The following CPN1 variants were observed in gnomAD, a reference collection of about 807,000 sequenced individuals.
CPN1 encodes carboxypeptidase N catalytic chain.
A neutral mutation model predicts 46.4 loss-of-function variants in CPN1; 37 were observed. The ratio of observed to expected loss-of-function variants is 0.80; its 90% CI spans 0.61 to 1.05. The LOEUF is 1.05. Among genes scored for constraint, CPN1 ranks in the 50% least tolerant of loss-of-function variants. CPN1 has a pLI of 0.00. For synonymous variants in CPN1, 224 were observed against 235.4 expected (o/e 0.95, Z 0.44); for missense variants, 563 against 602.6 (o/e 0.93, Z 0.69).
intron 1 of CPN1, among the ~76,000 whole-genome samples, chr10:100,081,031 C>A (rs1169192692): frequency 6.6e-6 from 1 of 152,178 alleles, no homozygotes. Context: ...ACTAGAAGGG[C>A]TCATTGTTTT....
intron 2 of CPN1, among the ~76,000 whole-genome samples, chr10:100,074,246 C>T (rs1038167678): frequency 5.3e-5 from 8 of 152,192 alleles, no homozygotes; most frequent in East Asian, 1.9e-4. Flanking sequence ...TGTGTAGCCA[C>T]GCAGACAGCT....
At chr10:100,067,126 T>G (rs562076374) in intron 3 of CPN1, among the ~76,000 whole-genome samples, 31 of 152,332 alleles carry the variant, frequency 2.0e-4, no homozygotes, top group South Asian at 1.7e-3. Flanking sequence ...TTTTTGGTTT[T>G]GGTTTTGGTT....
At chr10:100,050,080 C>T (rs1397826589) in intron 7 of CPN1, among the ~76,000 whole-genome samples, 1 of 152,130 alleles carries the variant, frequency 6.6e-6, no homozygotes, top group African/African-American at 2.4e-5. Flanking sequence ...AGGCCAGGTG[C>T]GGTGGCTCAT....
chr10:100,057,303 T>A, intron 5 of CPN1, 151 bp from the exon 6 acceptor site: 3 of 866,336 alleles, frequency 3.5e-6, no homozygotes, highest in Non-Finnish European at 3.5e-6. Context: ...ACATAATGTG[T>A]ACATATTCAT....
chr10:100,059,784 T>C (rs2041406694), intron 5 of CPN1, among the ~76,000 whole-genome samples: 1 of 152,170 alleles, frequency 6.6e-6, no homozygotes, highest in Non-Finnish European at 1.5e-5. Flanking sequence ...AGGAGATACT[T>C]GCACATCAGG....
chr10:100,073,837 A>G (rs2041499505), intron 2 of CPN1, among the ~76,000 whole-genome samples: 1 of 151,832 alleles, frequency 6.6e-6, no homozygotes, highest in Non-Finnish European at 1.5e-5. Flanking sequence ...CTGGTCTTGA[A>G]CTTCTGACCT....
chr10:100,064,343 T>C (rs1309487619), intron 4 of CPN1, among the ~76,000 whole-genome samples: 1 of 149,418 alleles, frequency 6.7e-6, no homozygotes, highest in African/African-American at 2.4e-5. Flanking sequence ...TTAATGTTTA[T>C]TTAAATTATA....
At chr10:100,050,262 G>C (rs995201334) in intron 7 of CPN1, among the ~76,000 whole-genome samples, 14 of 152,148 alleles carry the variant, frequency 9.2e-5, no homozygotes, top group African/African-American at 3.4e-4. Context: ...GCTGAGGCAG[G>C]GTAATTGCTG....
At chr10:100,061,838 G>A (rs1340009503) in intron 5 of CPN1, among the ~76,000 whole-genome samples, 2 of 152,148 alleles carry the variant, frequency 1.3e-5, no homozygotes, top group African/African-American at 4.8e-5. Context: ...AATTACGGAT[G>A]TATTTATTTA....
At position 100,078,178 on chromosome 10, in the gene CPN1, G is replaced by T. The variant is rs118045466; in HGVS notation, c.224-2071C>A. Among the ~76,000 whole-genome samples, 56 of 152,212 alleles carry T rather than the reference G, an allele frequency of 3.7e-4. No homozygotes were observed. In the East Asian group the frequency reaches 0.011, roughly 29 times the overall value. On this transcript the variant is annotated intron_variant, in intron 1 of 8. Transcript: ENST00000370418. ...TCCTCCCGCCTCAGCCTCCTGAGGA[G>T]CTGGGACCACAAGTGCACACTACCA...
At chr10:100,070,493 CCAAA>C (rs1430295478) in intron 2 of CPN1, among the ~76,000 whole-genome samples, 3 of 152,042 alleles carry the variant, frequency 2.0e-5, no homozygotes, top group Non-Finnish European at 4.4e-5. Context: ...AAAAAACAAA[CCAAA>C]CAAAGTGCTG....
chr10:100,071,946 G>C (rs2041488289), intron 2 of CPN1, among the ~76,000 whole-genome samples: 1 of 152,146 alleles, frequency 6.6e-6, no homozygotes, highest in Non-Finnish European at 1.5e-5. Context: ...TTCCAAATAA[G>C]ATCATAGTCA....
chr10:100,075,976 G>A lies in CPN1; in HGVS notation c.355C>T (p.Gln119Ter), dbSNP rs764408494. 5 of 1,614,182 alleles carry A rather than the reference G, an allele frequency of 3.1e-6. No homozygotes were observed. In the Admixed American group the frequency reaches 6.7e-5, roughly 22 times the overall value. ...NRNQRIVQLI[Q>*]DTRIHILPSM... is the part of the protein sequence containing the mutation. ...GGCAGGATGTGAATGCGCGTGTCCT[G>A]GATGAGCTGGACGATGCGCTGGTTC... The change falls in exon 2 of 9, where the codon CAG becomes TAG. Residue 119 changes from glutamine (Q) to a stop codon, truncating the protein, a stop_gained. Coordinates refer to ENST00000370418, the MANE Select transcript of CPN1 (RefSeq NM_001308.3). LOFTEE classifies it high-confidence loss of function.
intron 3 of CPN1, among the ~76,000 whole-genome samples, chr10:100,068,125 C>T (rs1589477121): frequency 2.8e-5 from 4 of 141,614 alleles, no homozygotes; most frequent in Middle Eastern, 3.9e-3. Context: ...GCACTCCAGC[C>T]TGGAGGGTAA....
intron 6 of CPN1, 96 bp downstream of exon 6, chr10:100,056,915 CAG>C: frequency 3.4e-6 from 5 of 1,486,612 alleles, no homozygotes; most frequent in Admixed American, 1.7e-5. Context: ...TGGACTGAGT[CAG>C]AGCAAAAGTC....
intron 7 of CPN1, among the ~76,000 whole-genome samples, chr10:100,050,558 A>G (rs1015523714): frequency 6.6e-6 from 1 of 152,164 alleles, no homozygotes; most frequent in Non-Finnish European, 1.5e-5. Flanking sequence ...CGGTGGTGTT[A>G]TATGGGTGTA....
intron 5 of CPN1, among the ~76,000 whole-genome samples, chr10:100,058,581 T>C (rs1296609689): frequency 6.6e-6 from 1 of 152,154 alleles, no homozygotes; most frequent in Non-Finnish European, 1.5e-5. Flanking sequence ...TTAAAAATTA[T>C]CCACTTAAAA....
chr10:100,059,592 C>CAAA (rs71013408), intron 5 of CPN1, among the ~76,000 whole-genome samples: 14,855 of 114,794 alleles, frequency 0.13, 1,072 homozygotes, highest in African/African-American at 0.21. Flanking sequence ...TGGCTACTAT[C>CAAA]AAAAAAAAAA....
chr10:100,060,075 C>T (rs1296272487), intron 5 of CPN1, among the ~76,000 whole-genome samples: 3 of 151,984 alleles, frequency 2.0e-5, no homozygotes, highest in African/African-American at 7.3e-5. Context: ...ATGGTGGTTG[C>T]CAGGGGCTGG....
Sources: gnomAD v4.1 joint callset for allele counts (sites outside exome capture counted in the v4.1 genomes callset) on GRCh38, gnomAD v4.1.1 for gene constraint, MANE v1.5 for transcripts, NCBI Gene and HGNC (gene_info 2026-07-23, HGNC 2026-07-21) for gene names.